TRDMT1: variants seen among roughly 807,000 people sequenced by gnomAD.
TRDMT1 encodes the protein tRNA aspartic acid methyltransferase 1.
A neutral mutation model predicts 51.2 loss-of-function variants in TRDMT1; 49 were observed. That is an observed-to-expected ratio of 0.96 (90% CI 0.76 to 1.21). The LOEUF is 1.21. Among genes scored for constraint, TRDMT1 ranks in the 50% most tolerant of loss-of-function variants. The pLI is 0.00. For synonymous variants in TRDMT1, 187 were observed against 164.6 expected (o/e 1.14, Z -1.04); for missense variants, 534 against 462.3 (o/e 1.16, Z -1.42).
intron 1 of TRDMT1, among the ~76,000 whole-genome samples, chr10:17,188,809 T>C (rs1021113726): frequency 2.0e-5 from 3 of 152,174 alleles, no homozygotes; most frequent in African/African-American, 7.2e-5. Flanking sequence ...CCACCACAAA[T>C]ACCCAGTAGC....
chr10:17,157,796 T>C lies in TRDMT1; in HGVS notation c.544-12A>G, dbSNP rs777155341. 2.6e-6 allele frequency: 4 copies of C among 1,532,218 alleles called. 1 individual carries two copies. The highest frequency in any genetic ancestry group is 2.4e-4 in the Middle Eastern group (1 of 4,168). The allele number at this position is 1,532,218 out of a possible 1,614,324, so 94.9% of individuals were successfully genotyped here. A position where few individuals can be genotyped will look rare whatever the true frequency, so the allele number is the denominator to read the frequency against. ...AACTCCATCAGTACCTGGCATTACA[T>C]AAAAATACACAAATTGTCAAAAGTT... On this transcript the variant is annotated splice_polypyrimidine_tract_variant and intron_variant, in intron 7 of 10. Coordinates refer to ENST00000377799, the MANE Select transcript of TRDMT1 (RefSeq NM_004412.7).
At chr10:17,193,358 G>A (rs778659942) in intron 1 of TRDMT1, among the ~76,000 whole-genome samples, 15 of 152,008 alleles carry the variant, frequency 9.9e-5, no homozygotes, top group Non-Finnish European at 1.5e-4. Flanking sequence ...GTGAGAAGAC[G>A]TCAAACGATC....
chr10:17,159,021 T>C (rs984206365), intron 7 of TRDMT1, 125 bp downstream of exon 7: 32 of 545,048 alleles, frequency 5.9e-5, no homozygotes, highest in Non-Finnish European at 8.9e-5. Context: ...GCATGGTCTA[T>C]ACTTTAGATT....
At chr10:17,175,121 G>GT (rs369416843) in intron 1 of TRDMT1, among the ~76,000 whole-genome samples, 17 of 152,012 alleles carry the variant, frequency 1.1e-4, no homozygotes, top group Admixed American at 5.9e-4. Flanking sequence ...TGCTTTAATT[G>GT]TTTTTTTAGT....
intron 1 of TRDMT1, among the ~76,000 whole-genome samples, chr10:17,185,776 A>C (rs1260461227): frequency 6.6e-6 from 1 of 152,086 alleles, no homozygotes; most frequent in Non-Finnish European, 1.5e-5. Context: ...TGAAGCTGGA[A>C]ACCATCAATC....
intron 1 of TRDMT1, among the ~76,000 whole-genome samples, chr10:17,195,713 A>G (rs572356107): frequency 6.6e-6 from 1 of 152,346 alleles, no homozygotes; most frequent in East Asian, 1.9e-4. Context: ...TGGGAAGTTA[A>G]AGTTCTCTTT....
intron 5 of TRDMT1, 54 bp downstream of exon 5, chr10:17,161,429 T>C (rs535236986): frequency 1.3e-4 from 165 of 1,235,704 alleles, no homozygotes; most frequent in Non-Finnish European, 1.7e-4. Flanking sequence ...CAACAGTTCC[T>C]ACTATAAGAT....
At position 17,145,182 on chromosome 10, in the gene TRDMT1, G is replaced by A; in HGVS notation, c.*3858C>T. On this transcript the variant is annotated 3_prime_UTR_variant, in exon 11 of 11. Transcript: ENST00000377799. ...AAATCACTTTAACCCAGGAGGGGGA[G>A]ATTGCAGTGAGCCGAGATCACGCCA... 2 of 722,476 alleles carry A rather than the reference G, an allele frequency of 2.8e-6. No homozygotes were observed. Among genetic ancestry groups the A allele is most frequent in the Non-Finnish European group, 3.4e-6 (2 of 589,948 alleles). 44.8% of individuals were successfully genotyped at this position (722,476 alleles called of 1,614,324 possible).
rs550397484 is a variant in TRDMT1 at position 17,164,461 on chromosome 10, G to A, written c.252-2224C>T. Reference sequence around the variant, plus strand: ...GCATTCCCTTTGAAAACTGGCACAAGACAGGGATGCCCTCTCTCATCACTT... The same window carrying A: ...GCATTCCCTTTGAAAACTGGCACAAAACAGGGATGCCCTCTCTCATCACTT... On this transcript the variant is annotated intron_variant, in intron 3 of 10. Coordinates refer to ENST00000377799, the MANE Select transcript of TRDMT1 (RefSeq NM_004412.7). 3.3e-5 allele frequency among the ~76,000 whole-genome samples: 5 copies of A among 152,292 alleles called. No individual in the cohort carries two copies. The East Asian group carries it at 9.7e-4, about 29-fold the overall frequency.
rs561557682 is a variant in TRDMT1, at chr10:17,143,168, C to A, written c.*5872G>T. 1.0e-6 allele frequency: 1 copy of A among 985,432 alleles called. No homozygotes were observed. Among genetic ancestry groups the A allele is most frequent in the Non-Finnish European group, 1.2e-6 (1 of 829,944 alleles). The allele number at this position is 985,432 out of a possible 1,614,324, so 61.0% of individuals were successfully genotyped here. On this transcript the variant is annotated 3_prime_UTR_variant, in exon 11 of 11. Coordinates refer to ENST00000377799, the MANE Select transcript of TRDMT1 (RefSeq NM_004412.7). ...GAACAACTTAAAGACATTGTTTGAACTCCACAGTGTGGTGCTTTCTATGTA... is the reference window on the plus strand; with the variant it reads ...GAACAACTTAAAGACATTGTTTGAAATCCACAGTGTGGTGCTTTCTATGTA...
intron 1 of TRDMT1, among the ~76,000 whole-genome samples, chr10:17,195,733 C>T (rs142739084): frequency 4.3e-4 from 65 of 152,254 alleles, no homozygotes; most frequent in African/African-American, 1.5e-3. Flanking sequence ...TTACTGAATA[C>T]TCAAAATTCA....
Position 17,162,345 on chromosome 10 carries a change from A to G in TRDMT1, c.252-108T>C, listed in dbSNP as rs1028348892. 23 of 1,032,384 alleles carry G rather than the reference A, an allele frequency of 2.2e-5. 1 individual carries two copies. Among genetic ancestry groups the G allele is most frequent in the Non-Finnish European group, 2.8e-5 (20 of 706,054 alleles). 64.0% of individuals were successfully genotyped at this position (1,032,384 alleles called of 1,614,324 possible). On this transcript the variant is annotated intron_variant, in intron 3 of 10. Coordinates refer to ENST00000377799, the MANE Select transcript of TRDMT1 (RefSeq NM_004412.7). The stretch of plus-strand genomic sequence containing the variant: ...TTAAGTCAAAAGGAGAATAAAAATA[A>G]GTTGGTCCTCACAAAAAATAGGGTC...
rs1202805423 is a variant in TRDMT1, at chr10:17,169,200, T to C, written c.175-283A>G. On this transcript the variant is annotated intron_variant, in intron 2 of 10. Coordinates refer to ENST00000377799, the MANE Select transcript of TRDMT1 (RefSeq NM_004412.7). ...GGATCCTAAGCACATCTGGCCTGTA[T>C]CACACCTCAAGTGTAACACTGCTGT... 5.0e-6 allele frequency: 3 copies of C among 604,778 alleles called. No homozygotes were observed. The African/African-American group carries it at 5.8e-5, about 12-fold the overall frequency. 37.5% of individuals were successfully genotyped at this position (604,778 alleles called of 1,614,324 possible).
At chr10:17,179,502 T>A (rs1383146477) in intron 1 of TRDMT1, among the ~76,000 whole-genome samples, 1 of 152,024 alleles carries the variant, frequency 6.6e-6, no homozygotes, top group East Asian at 1.9e-4. Flanking sequence ...GGCATTTATC[T>A]GGAATATTAT....
At chr10:17,195,732 A>G (rs1454809380) in intron 1 of TRDMT1, among the ~76,000 whole-genome samples, 1 of 152,220 alleles carries the variant, frequency 6.6e-6, no homozygotes. Context: ...TTTACTGAAT[A>G]CTCAAAATTC....
intron 10 of TRDMT1, chr10:17,151,508 G>C: frequency 1.0e-6 from 1 of 984,812 alleles, no homozygotes; most frequent in African/African-American, 1.7e-5. Context: ...GGTCAATAAT[G>C]TTGGAAACAC....
intron 10 of TRDMT1, chr10:17,153,164 G>A (rs1165194042): frequency 5.0e-6 from 2 of 399,918 alleles, no homozygotes; most frequent in Non-Finnish European, 8.9e-6. Context: ...CTAGTGTGGG[G>A]TGATTAGGAG....
At chr10:17,188,086 T>G (rs554169652) in intron 1 of TRDMT1, among the ~76,000 whole-genome samples, 96 of 150,046 alleles carry the variant, frequency 6.4e-4, no homozygotes, top group African/African-American at 2.3e-3. Context: ...ACAAACTCTG[T>G]TTTTTGAACT....
Position 17,144,936 on chromosome 10 carries a change from T to C in TRDMT1, c.*4104A>G. The C allele has an allele frequency of 2.0e-6, 2 of 985,302 alleles. No individual in the cohort carries two copies. Among genetic ancestry groups the C allele is most frequent in the Non-Finnish European group, 2.4e-6 (2 of 829,906 alleles). 61.0% of individuals were successfully genotyped at this position (985,302 alleles called of 1,614,324 possible). A position where few individuals can be genotyped will look rare whatever the true frequency, so the allele number is the denominator to read the frequency against. On this transcript the variant is annotated 3_prime_UTR_variant, in exon 11 of 11. Coordinates refer to ENST00000377799, the MANE Select transcript of TRDMT1 (RefSeq NM_004412.7). ...AACTAAAGAACATGTGCAAGATGCT[T>C]AATGCCTTTTTAAAAAACATGCAAA...
Sources: gnomAD v4.1 joint callset for allele counts (sites outside exome capture counted in the v4.1 genomes callset) on GRCh38, gnomAD v4.1.1 for gene constraint, MANE v1.5 for transcripts, NCBI Gene and HGNC (gene_info 2026-07-23, HGNC 2026-07-21) for gene names.